CAPN1: variants seen among roughly 807,000 people sequenced by gnomAD.
CAPN1 encodes the protein calpain 1, also known as calpain-1 catalytic subunit.
Under a neutral mutation model 105.2 loss-of-function variants are expected in CAPN1, and 77 were observed. The observed-to-expected ratio is 0.73, with a 90% CI of 0.61 to 0.88. The LOEUF is 0.88. CAPN1 is among the 40% of genes least tolerant of loss of function. CAPN1 has a pLI of 0.00. For missense variants in CAPN1, 833 were observed against 976.6 expected, an observed-to-expected ratio of 0.85 and a Z score of 1.96; for synonymous variants, 355 against 388.8, an observed-to-expected ratio of 0.91 and a Z score of 1.02.
chr11:65,205,932 G>A, intron 12 of CAPN1: 2 of 587,004 alleles, frequency 3.4e-6, no homozygotes, highest in Non-Finnish European at 3.1e-6. Context: ...AGCTGGATTT[G>A]AGCCCTGGTC....
intron 11 of CAPN1, 50 bp from the exon 12 acceptor site, chr11:65,205,660 C>T (rs764962219): frequency 1.6e-5 from 26 of 1,603,228 alleles, no homozygotes; most frequent in Admixed American, 3.3e-5. Context: ...ACTGTGACCC[C>T]GCCCTGGGAC....
intron 5 of CAPN1, 56 bp downstream of exon 5, chr11:65,186,106 C>A: frequency 6.2e-7 from 1 of 1,606,242 alleles, no homozygotes. Flanking sequence ...GGGGTGGGGG[C>A]TCATGACTGT....
chr11:65,191,279 TG>T (rs750415132), intron 10 of CAPN1, among the ~76,000 whole-genome samples: 8 of 152,208 alleles, frequency 5.3e-5, no homozygotes, highest in South Asian at 2.1e-4. Context: ...ACTATAATTT[TG>T]TTTCTATTAT....
At chr11:65,185,807 C>A in intron 4 of CAPN1, 110 bp from the exon 5 acceptor site, 5 of 1,118,174 alleles carry the variant, frequency 4.5e-6, no homozygotes, top group Non-Finnish European at 6.3e-6. Context: ...CTATGTGTAT[C>A]TAGTATGTAT....
chr11:65,203,253 C>G (rs1162596128), intron 10 of CAPN1: 1 of 151,982 alleles, frequency 6.6e-6, no homozygotes, highest in Non-Finnish European at 1.5e-5. Context: ...TGCAGTGGCA[C>G]GATCTCGGCT....
chr11:65,186,201 G>A lies in CAPN1; in HGVS notation c.622G>A (p.Gly208Ser). The change falls in exon 6 of 22, where the codon GGC (glycine) becomes AGC (serine). Residue 208 changes from glycine to serine, a missense_variant. By Grantham distance (56) the Gly-to-Ser change is moderately conservative. Coordinates refer to ENST00000279247, the MANE Select transcript of CAPN1 (RefSeq NM_005186.4). Reference sequence around the variant, plus strand: ...TGGCAGCTACGAGGCCCTGTCAGGGGGCAGCACCTCAGAGGGCTTTGAGGA... The same window carrying A: ...TGGCAGCTACGAGGCCCTGTCAGGGAGCAGCACCTCAGAGGGCTTTGAGGA... Reference protein sequence around the residue: ...VNGSYEALSGGSTSEGFEDFT... With the variant: ...VNGSYEALSGSSTSEGFEDFT... 6.2e-7 allele frequency: 1 copy of A among 1,613,636 alleles called. No homozygotes were observed. The highest frequency in any genetic ancestry group is 2.2e-5 in the East Asian group (1 of 44,854).
chr11:65,203,365 GTTGT>G (rs892445191), intron 10 of CAPN1: 19 of 150,838 alleles, frequency 1.3e-4, no homozygotes, highest in Admixed American at 6.6e-4. Context: ...AGTTTTGTGG[GTTGT>G]TTGTTTTTGA....
rs1408960872 is a variant in CAPN1 at position 65,206,886 on chromosome 11, C to G, written c.1605+67C>G. ...CTCACCCCTGGGTGTGTGATGGGGA[C>G]CCAGGTGTCCTGTCCCCTGAGTTCC... On this transcript the variant is annotated intron_variant, in intron 14 of 21. Transcript: ENST00000279247. 2.0e-6 allele frequency: 3 copies of G among 1,468,238 alleles called. No homozygotes were observed. The African/African-American group carries it at 4.2e-5, about 20-fold the overall frequency. 91.0% of individuals were successfully genotyped at this position (1,468,238 alleles called of 1,614,324 possible). A position where few individuals can be genotyped will look rare whatever the true frequency, so the allele number is the denominator to read the frequency against.
At chr11:65,187,154 G>T in intron 6 of CAPN1, 61 bp from the exon 7 acceptor site, 1 of 1,236,632 alleles carries the variant, frequency 8.1e-7, no homozygotes, top group Admixed American at 1.9e-5. Context: ...GAGTGCTGGG[G>T]GCTCATCTGA....
intron 10 of CAPN1, among the ~76,000 whole-genome samples, chr11:65,195,644 T>G (rs1158135888): frequency 1.3e-5 from 2 of 152,140 alleles, no homozygotes; most frequent in Admixed American, 1.3e-4. Context: ...TCGCTTTTTT[T>G]GGGAGGGGGT....
intron 10 of CAPN1, among the ~76,000 whole-genome samples, chr11:65,193,962 A>ATTTTTTTTTTTTTTTTTTTTTTTTTTT (rs60784154): frequency 1.3e-5 from 1 of 76,206 alleles, no homozygotes. Context: ...CTTTGGATTG[A>ATTTTTTTTTTTTTTTTTTTTTTTTTTT]TTTTTTTTTT....
intron 7 of CAPN1, 31 bp downstream of exon 7, chr11:65,187,329 G>T (rs1948648614): frequency 6.6e-7 from 1 of 1,515,010 alleles, no homozygotes; most frequent in Non-Finnish European, 9.1e-7. Context: ...TTCCCTGAAG[G>T]GCGGTTCCTG....
intron 10 of CAPN1, among the ~76,000 whole-genome samples, chr11:65,201,947 C>T (rs1278596219): frequency 1.3e-5 from 2 of 151,982 alleles, no homozygotes; most frequent in African/African-American, 2.4e-5. Context: ...CTCATCCTCC[C>T]GAGTAAGTGG....
chr11:65,192,427 C>T (rs1013553567), intron 10 of CAPN1, among the ~76,000 whole-genome samples: 4 of 152,040 alleles, frequency 2.6e-5, no homozygotes, highest in Non-Finnish European at 5.9e-5. Flanking sequence ...TTTCTGTTTC[C>T]TAGAAGAGTT....
At chr11:65,202,058 CAA>C (rs1440103049) in intron 10 of CAPN1, among the ~76,000 whole-genome samples, 2 of 150,044 alleles carry the variant, frequency 1.3e-5, no homozygotes, top group South Asian at 2.1e-4. Context: ...CTCCTGACCT[CAA>C]ATGATCCACC....
rs764674626 is a variant in CAPN1 at position 65,209,978 on chromosome 11, G to A, written c.1864-40G>A. ...CGGGCCGGGCAGGTGGGAAGGGCCG[G>A]GTGACTCAGCCTGGCCCTCACCCTC... On this transcript the variant is annotated intron_variant, in intron 18 of 21. Coordinates refer to ENST00000279247, the MANE Select transcript of CAPN1 (RefSeq NM_005186.4). The surrounding 1 kb of genome is among the most constrained non-coding windows in gnomAD (Gnocchi z 4.1). 6 of 1,612,254 alleles carry A rather than the reference G, an allele frequency of 3.7e-6. No individual in the cohort carries two copies. The highest frequency in any genetic ancestry group is 5.1e-6 in the Non-Finnish European group (6 of 1,178,942).
At position 65,188,036 on chromosome 11, in the gene CAPN1, G is replaced by C; in HGVS notation, c.925G>C (p.Asp309His). ...GGTGGAGTGGACGGGAGCCTGGAGC[G>C]ACAGGTGAGGGGCAGTGGGCACTGT... is the stretch of plus-strand genomic sequence containing the variant. ...GEVEWTGAWS[D>H]SSSEWNNVDP... The change falls in exon 8 of 22, where the codon GAC becomes CAC. Residue 309 changes from aspartate (D) to histidine (H), a missense_variant. Coordinates refer to ENST00000279247, the MANE Select transcript of CAPN1 (RefSeq NM_005186.4). The surrounding 1 kb of genome is among the most constrained non-coding windows in gnomAD (Gnocchi z 5.5). 6.4e-7 allele frequency: 1 copy of C among 1,556,506 alleles called. No individual in the cohort carries two copies. Among genetic ancestry groups the C allele is most frequent in the Non-Finnish European group, 8.7e-7 (1 of 1,149,722 alleles).
intron 10 of CAPN1, among the ~76,000 whole-genome samples, chr11:65,202,751 C>A (rs1048876902): frequency 6.6e-6 from 1 of 151,932 alleles, no homozygotes; most frequent in Non-Finnish European, 1.5e-5. Context: ...CCATATATTA[C>A]GATTTAAATA....
At chr11:65,193,525 G>T (rs1590855586) in intron 10 of CAPN1, among the ~76,000 whole-genome samples, 1 of 150,558 alleles carries the variant, frequency 6.6e-6, no homozygotes, top group East Asian at 2.0e-4. Flanking sequence ...GGTGCCTGTG[G>T]TCCCAGCTGC....
Sources: gnomAD v4.1 joint callset for allele counts (sites outside exome capture counted in the v4.1 genomes callset) on GRCh38, gnomAD v4.1.1 for gene constraint, Gnocchi (gnomAD v3.1) non-coding constraint, MANE v1.5 for transcripts, NCBI Gene and HGNC (gene_info 2026-07-23, HGNC 2026-07-21) for gene names.